KLHDC4: variants seen among roughly 807,000 people sequenced by gnomAD.
KLHDC4 encodes the protein kelch domain-containing protein 4.
Under a neutral mutation model 62.4 loss-of-function variants are expected in KLHDC4, and 90 were observed. That is an observed-to-expected ratio of 1.44 (90% confidence interval 1.22 to 1.72). The LOEUF is 1.72. Among genes scored for constraint, KLHDC4 ranks in the 40% most tolerant of loss-of-function variants. The probability of loss-of-function intolerance (pLI) is 0.00; values close to 1 mark genes in which losing one functional copy is unlikely to be tolerated. For missense variants in KLHDC4, 1,025 were observed against 699.7 expected (o/e 1.47, Z -5.25); for synonymous variants, 386 against 284.4 (o/e 1.36, Z -3.59).
At chr16:87,715,835 C>T (rs4843259) in intron 7 of KLHDC4, among the ~76,000 whole-genome samples, 8,535 of 152,268 alleles carry the variant, frequency 0.056, 315 homozygotes, top group South Asian at 0.17. Flanking sequence ...ACACAGACTT[C>T]GGCCACGCTA....
At chr16:87,759,317 C>G (rs1450501077) in intron 2 of KLHDC4, among the ~76,000 whole-genome samples, 2 of 150,880 alleles carry the variant, frequency 1.3e-5, no homozygotes, top group Non-Finnish European at 2.9e-5. Flanking sequence ...GTTGGATCAT[C>G]TGAGGTCAGG....
intron 4 of KLHDC4, among the ~76,000 whole-genome samples, chr16:87,751,846 G>A (rs2044000060): frequency 6.6e-6 from 1 of 151,974 alleles, no homozygotes; most frequent in Non-Finnish European, 1.5e-5. Context: ...GGCCGAGGCG[G>A]GCGGATCACG....
intron 4 of KLHDC4, 41 bp from the exon 5 acceptor site, chr16:87,748,850 G>A: frequency 1.2e-6 from 2 of 1,608,828 alleles, no homozygotes; most frequent in South Asian, 1.1e-5. Context: ...CAGCCACACA[G>A]CAGAAGGGCC....
intron 4 of KLHDC4, among the ~76,000 whole-genome samples, chr16:87,754,599 C>T (rs1388498973): frequency 6.6e-6 from 1 of 152,194 alleles, no homozygotes; most frequent in African/African-American, 2.4e-5. Context: ...GAGGCAGGCA[C>T]TCATTCAAAT....
At chr16:87,719,858 G>A (rs971744939) in intron 7 of KLHDC4, among the ~76,000 whole-genome samples, 1 of 152,186 alleles carries the variant, frequency 6.6e-6, no homozygotes, top group Non-Finnish European at 1.5e-5. Flanking sequence ...CTTAGCATCC[G>A]GCTGAGACCC....
At chr16:87,735,125 C>T (rs1567745579) in intron 5 of KLHDC4, among the ~76,000 whole-genome samples, 2 of 151,664 alleles carry the variant, frequency 1.3e-5, no homozygotes, top group Non-Finnish European at 2.9e-5. Context: ...TGCTGAAACC[C>T]CGTCTCTACT....
intron 7 of KLHDC4, among the ~76,000 whole-genome samples, chr16:87,724,110 T>C (rs1471956288): frequency 6.6e-6 from 1 of 152,170 alleles, no homozygotes; most frequent in Non-Finnish European, 1.5e-5. Flanking sequence ...AGTGCTGGGA[T>C]TACAGGCGTG....
intron 7 of KLHDC4, among the ~76,000 whole-genome samples, chr16:87,718,570 C>A (rs189803384): frequency 3.3e-5 from 5 of 151,768 alleles, no homozygotes; most frequent in Non-Finnish European, 7.4e-5. Context: ...GATCTCGGCT[C>A]GCTACAACCC....
At chr16:87,714,353 C>CCCCCCCAA in intron 8 of KLHDC4, 145 bp downstream of exon 8, 1 of 990,178 alleles carries the variant, frequency 1.0e-6, no homozygotes. Flanking sequence ...CGGCCCACCC[C>CCCCCCCAA]GAAATGAGCC....
intron 5 of KLHDC4, among the ~76,000 whole-genome samples, chr16:87,748,444 C>A (rs1461763198): frequency 6.6e-6 from 1 of 152,186 alleles, no homozygotes; most frequent in Non-Finnish European, 1.5e-5. Flanking sequence ...ACAAGAGGAA[C>A]CTGGAGAACA....
intron 2 of KLHDC4, 39 bp downstream of exon 2, chr16:87,761,910 A>C (rs1597426010): frequency 6.3e-7 from 1 of 1,595,106 alleles, no homozygotes; most frequent in South Asian, 1.1e-5. Context: ...TGTATAGAAG[A>C]AAAGGAAACA....
At chr16:87,761,480 C>T (rs1342042631) in intron 2 of KLHDC4, among the ~76,000 whole-genome samples, 2 of 152,242 alleles carry the variant, frequency 1.3e-5, no homozygotes, top group Non-Finnish European at 2.9e-5. Context: ...ATCCTACAGA[C>T]TCGGAACGTT....
At chr16:87,721,390 G>A (rs1008349577) in intron 7 of KLHDC4, among the ~76,000 whole-genome samples, 14 of 150,002 alleles carry the variant, frequency 9.3e-5, no homozygotes, top group African/African-American at 3.4e-4. Context: ...CTCCAGCCTG[G>A]GGGATAGAGC....
intron 5 of KLHDC4, among the ~76,000 whole-genome samples, chr16:87,745,876 T>C (rs1421425464): frequency 6.6e-6 from 1 of 152,164 alleles, no homozygotes; most frequent in African/African-American, 2.4e-5. Flanking sequence ...GTCAGGGTCT[T>C]AACAACTGAA....
rs1175557864 is a variant in KLHDC4, at chr16:87,707,901, G to A, written c.*176C>T. Reference sequence around the variant, plus strand: ...CACTCAGTTGAACTTCCGGCCCAGTGCCGCGTCAGAGACTAAACCATGGGA... The same window carrying A: ...CACTCAGTTGAACTTCCGGCCCAGTACCGCGTCAGAGACTAAACCATGGGA... On this transcript the variant is annotated 3_prime_UTR_variant, in exon 12 of 12. Coordinates refer to ENST00000270583, the MANE Select transcript of KLHDC4 (RefSeq NM_017566.4). 4.4e-6 allele frequency: 2 copies of A among 456,462 alleles called. No individual in the cohort carries two copies. The highest frequency in any genetic ancestry group is 8.8e-6 in the Non-Finnish European group (2 of 226,822). 28.3% of individuals were successfully genotyped at this position (456,462 alleles called of 1,614,324 possible).
intron 6 of KLHDC4, among the ~76,000 whole-genome samples, chr16:87,728,164 G>A (rs981526885): frequency 6.6e-6 from 1 of 152,160 alleles, no homozygotes; most frequent in African/African-American, 2.4e-5. Context: ...CAGCCTGGGC[G>A]ATCGAGTGAG....
chr16:87,722,773 C>A (rs1218729008), intron 7 of KLHDC4, among the ~76,000 whole-genome samples: 1 of 152,256 alleles, frequency 6.6e-6, no homozygotes, highest in African/African-American at 2.4e-5. Context: ...GTCACTCCAG[C>A]TGCTGCACTG....
chr16:87,705,630 T>C (rs908330332), downstream of KLHDC4, among the ~76,000 whole-genome samples: 1 of 152,240 alleles, frequency 6.6e-6, no homozygotes, highest in Admixed American at 6.5e-5. Context: ...AGTTACAAGC[T>C]CCTCTGAAAG....
At chr16:87,744,982 C>T (rs1433749107) in intron 5 of KLHDC4, among the ~76,000 whole-genome samples, 1 of 87,724 alleles carries the variant, frequency 1.1e-5, no homozygotes, top group African/African-American at 6.5e-5. Context: ...ATCATCTGCA[C>T]ACACGCGGTG....
Sources: gnomAD v4.1 joint callset for allele counts (sites outside exome capture counted in the v4.1 genomes callset) on GRCh38, gnomAD v4.1.1 for gene constraint, MANE v1.5 for transcripts, NCBI Gene and HGNC (gene_info 2026-07-23, HGNC 2026-07-21) for gene names.